STXBP5L: variants seen among roughly 807,000 people sequenced by gnomAD.
STXBP5L encodes the protein syntaxin binding protein 5L, also known as syntaxin-binding protein 5-like.
A neutral mutation model predicts 144.5 loss-of-function variants in STXBP5L; 65 were observed. The observed-to-expected ratio is 0.45, with a 90% CI of 0.37 to 0.55. The LOEUF (loss-of-function observed/expected upper bound fraction) is 0.55, where lower values mean the gene tolerates loss of function less well. Ranked by LOEUF, STXBP5L falls within the 20% of genes least tolerant of loss-of-function variation. STXBP5L has a pLI of 0.00. For synonymous variants in STXBP5L, 505 were observed against 469.6 expected (o/e 1.08, Z -0.97); for missense variants, 1,298 against 1,405.5 (o/e 0.92, Z 1.22).
At chr3:121,140,132 A>T (rs1385959403) in intron 7 of STXBP5L, among the ~76,000 whole-genome samples, 1 of 141,628 alleles carries the variant, frequency 7.1e-6, no homozygotes, top group Non-Finnish European at 1.6e-5. Context: ...AAGACATATT[A>T]TAAATGGCCA....
At chr3:120,973,403 A>C (rs1478758569) in intron 3 of STXBP5L, among the ~76,000 whole-genome samples, 3 of 151,676 alleles carry the variant, frequency 2.0e-5, no homozygotes, top group Non-Finnish European at 4.4e-5. Flanking sequence ...GCATTTCTAT[A>C]ATGTCAGTTG....
intron 11 of STXBP5L, among the ~76,000 whole-genome samples, chr3:121,223,747 A>C (rs1389082579): frequency 6.6e-6 from 1 of 152,146 alleles, no homozygotes; most frequent in Non-Finnish European, 1.5e-5. Context: ...TAAACATAAC[A>C]ACTAGTCTAA....
At chr3:121,039,529 A>C (rs1450342503) in intron 3 of STXBP5L, among the ~76,000 whole-genome samples, 4 of 151,838 alleles carry the variant, frequency 2.6e-5, no homozygotes, top group African/African-American at 9.7e-5. Context: ...TTATCATTTT[A>C]AATGTTCTTT....
At chr3:121,165,073 T>C (rs2046453578) in intron 9 of STXBP5L, among the ~76,000 whole-genome samples, 2 of 152,220 alleles carry the variant, frequency 1.3e-5, no homozygotes, top group Admixed American at 1.3e-4. Context: ...ATGGATATGT[T>C]AACTTGCCTC....
chr3:121,402,425 T>C (rs1361495331), intron 22 of STXBP5L, among the ~76,000 whole-genome samples: 2 of 152,218 alleles, frequency 1.3e-5, no homozygotes, highest in Non-Finnish European at 1.5e-5. Flanking sequence ...AACCTTAATC[T>C]ATTGATCCTA....
intron 3 of STXBP5L, among the ~76,000 whole-genome samples, chr3:121,016,847 TA>T (rs1165159042): frequency 2.0e-5 from 3 of 152,186 alleles, no homozygotes; most frequent in South Asian, 2.1e-4. Context: ...TGGTGAATTC[TA>T]ACAAAACATT....
chr3:121,035,784 T>G (rs1442135885), intron 3 of STXBP5L, among the ~76,000 whole-genome samples: 1 of 152,168 alleles, frequency 6.6e-6, no homozygotes, highest in Non-Finnish European at 1.5e-5. Flanking sequence ...AATCTGTAGA[T>G]TGCTTTGGGA....
At chr3:120,962,550 G>T (rs9882707) in intron 3 of STXBP5L, among the ~76,000 whole-genome samples, 57,310 of 151,338 alleles carry the variant, frequency 0.38, 11,004 homozygotes, top group African/African-American at 0.4. Context: ...TCCCCATTTC[G>T]TGTTTTTGTC....
Position 121,238,517 on chromosome 3 carries a change from A to T in STXBP5L, c.1185-454A>T, listed in dbSNP as rs200592685. ...TTTCAAGATGAGGTTTGGAGGGGAC[A>T]AACATCCAAACCATAGCACTCCCAT... On this transcript the variant is annotated intron_variant, in intron 12 of 26. Transcript: ENST00000471454. Among the ~76,000 whole-genome samples, 7 of 152,290 alleles carry T rather than the reference A, an allele frequency of 4.6e-5. No homozygotes were observed. The East Asian group carries it at 1.3e-3, about 29-fold the overall frequency.
At chr3:121,217,948 A>C (rs574864278) in intron 10 of STXBP5L, among the ~76,000 whole-genome samples, 2 of 149,114 alleles carry the variant, frequency 1.3e-5, no homozygotes, top group African/African-American at 4.9e-5. Flanking sequence ...AATTCAGTTA[A>C]AACAACATTT....
rs867309614 is a variant in STXBP5L at position 121,091,802 on chromosome 3, G to T, written c.471-23123G>T. Among the ~76,000 whole-genome samples the T allele has an allele frequency of 2.4e-3, 364 of 152,174 alleles. 4 individuals are homozygous for T. In the Middle Eastern group the frequency reaches 0.031, roughly 13 times the overall value. Reference sequence around the variant, plus strand: ...TAATTAGATCCCATTTGTCAATTTTGTCTTTTATTGCCATTGCTTTTGGTG... The same window carrying T: ...TAATTAGATCCCATTTGTCAATTTTTTCTTTTATTGCCATTGCTTTTGGTG... On this transcript the variant is annotated intron_variant, in intron 5 of 26. Coordinates refer to ENST00000471454, the MANE Select transcript of STXBP5L (RefSeq NM_001308330.2).
chr3:120,991,048 A>G (rs2107961467), intron 3 of STXBP5L, among the ~76,000 whole-genome samples: 1 of 152,052 alleles, frequency 6.6e-6, no homozygotes, highest in East Asian at 1.9e-4. Context: ...CAGGCAACCT[A>G]CAGAATGGGA....
At chr3:121,173,994 A>G (rs1249851250) in intron 9 of STXBP5L, among the ~76,000 whole-genome samples, 1 of 152,152 alleles carries the variant, frequency 6.6e-6, no homozygotes, top group African/African-American at 2.4e-5. Context: ...TTACTGTGAT[A>G]TGCAATATGC....
chr3:121,057,561 A>C (rs1030371521), intron 5 of STXBP5L, among the ~76,000 whole-genome samples: 9 of 152,036 alleles, frequency 5.9e-5, no homozygotes, highest in Non-Finnish European at 1.2e-4. Flanking sequence ...GACACATATA[A>C]AAATGGAATA....
chr3:121,314,173 C>A (rs1330504213), intron 19 of STXBP5L, among the ~76,000 whole-genome samples: 1 of 127,036 alleles, frequency 7.9e-6, no homozygotes, highest in Non-Finnish European at 1.6e-5. Context: ...AGCAGAGACG[C>A]TCCTCACTTC....
chr3:121,046,720 T>C (rs1947541294), intron 5 of STXBP5L, among the ~76,000 whole-genome samples: 1 of 152,140 alleles, frequency 6.6e-6, no homozygotes, highest in South Asian at 2.1e-4. Context: ...TTTTGGCATT[T>C]ATGATTGTTT....
In STXBP5L at chr3:120,942,358, C is replaced by G. The variant is rs115776225; in HGVS notation, c.190-12582C>G. Among the ~76,000 whole-genome samples, 444 of 151,398 alleles carry G rather than the reference C, an allele frequency of 2.9e-3. 1 individual carries two copies. The highest frequency in any genetic ancestry group is 0.01 in the African/African-American group (426 of 41,436). On this transcript the variant is annotated intron_variant, in intron 2 of 26. Transcript: ENST00000471454. ...ATGGTATTGTAATTTCTGTAGTATT[C>G]AATAAACATTGAGATATATGAATAT...
intron 18 of STXBP5L, among the ~76,000 whole-genome samples, chr3:121,270,764 T>TG (rs2050712738): frequency 6.6e-6 from 1 of 152,116 alleles, no homozygotes; most frequent in Admixed American, 6.5e-5. Context: ...AGCATTTATT[T>TG]TTTAACCTTC....
intron 10 of STXBP5L, among the ~76,000 whole-genome samples, chr3:121,213,196 C>G (rs2048646274): frequency 6.6e-6 from 1 of 152,060 alleles, no homozygotes; most frequent in African/African-American, 2.4e-5. Flanking sequence ...TTTGAATACC[C>G]TTTATTTCTT....
Sources: gnomAD v4.1 joint callset for allele counts (sites outside exome capture counted in the v4.1 genomes callset) on GRCh38, gnomAD v4.1.1 for gene constraint, MANE v1.5 for transcripts, NCBI Gene and HGNC (gene_info 2026-07-23, HGNC 2026-07-21) for gene names.